The following TTC6 variants were observed in gnomAD, a reference collection of about 807,000 sequenced individuals.
The protein encoded by TTC6 is tetratricopeptide repeat protein 6.
TTC6 carries 172 observed loss-of-function variants against 210.4 expected under a neutral mutation model. The ratio of observed to expected loss-of-function variants is 0.82; its 90% CI spans 0.72 to 0.93. The LOEUF (loss-of-function observed/expected upper bound fraction) is 0.93, where lower values mean the gene tolerates loss of function less well. TTC6 is among the 40% of genes least tolerant of loss of function. TTC6 has a pLI of 0.00. For missense variants in TTC6, 2,414 were observed against 2,318.1 expected, an observed-to-expected ratio of 1.04 and a Z score of -0.85; for synonymous variants, 804 against 819.6, an observed-to-expected ratio of 0.98 and a Z score of 0.32.
intron 5 of TTC6, among the ~76,000 whole-genome samples, chr14:37,711,646 C>A (rs568738797): frequency 1.3e-5 from 2 of 152,156 alleles, no homozygotes; most frequent in African/African-American, 4.8e-5. Flanking sequence ...GGTGCCCAGA[C>A]TGTGAAAGAC....
At chr14:37,819,807 G>A (rs4898763) in intron 26 of TTC6, among the ~76,000 whole-genome samples, 48,366 of 152,074 alleles carry the variant, frequency 0.32, 8,948 homozygotes, top group Admixed American at 0.48. Flanking sequence ...ATCTGGTCAC[G>A]TATGTGATTA....
intron 25 of TTC6, 86 bp downstream of exon 27, chr14:37,812,519 C>A: frequency 7.8e-7 from 1 of 1,287,028 alleles, no homozygotes; most frequent in South Asian, 1.9e-5. Context: ...TATCAACTGG[C>A]AATATTAATG....
At chr14:37,697,597 C>T (rs2095817276) in intron 4 of TTC6, among the ~76,000 whole-genome samples, 1 of 152,106 alleles carries the variant, frequency 6.6e-6, no homozygotes, top group East Asian at 1.9e-4. Context: ...CCAGCTCAAA[C>T]TTTGTAAATG....
chr14:37,782,901 T>A (rs112921550), intron 14 of TTC6, among the ~76,000 whole-genome samples: 13 of 152,164 alleles, frequency 8.5e-5, no homozygotes, highest in Admixed American at 8.5e-4. Flanking sequence ...GGTTTTTGTC[T>A]TTGGTTCTGT....
At chr14:37,638,887 C>T (rs2095686124) in intron 1 of TTC6, among the ~76,000 whole-genome samples, 2 of 152,102 alleles carry the variant, frequency 1.3e-5, no homozygotes, top group African/African-American at 2.4e-5. Context: ...TAAGAAGATA[C>T]ATATGAAAAT....
intron 14 of TTC6, among the ~76,000 whole-genome samples, chr14:37,779,317 C>T (rs550506254): frequency 6.6e-6 from 1 of 152,256 alleles, no homozygotes; most frequent in Non-Finnish European, 1.5e-5. Context: ...ATGTCCGTGT[C>T]CCTCAGTGGC....
In TTC6 at chr14:37,815,696, A is replaced by G. The variant is rs966463428; in HGVS notation, c.4690-1882A>G. Among the ~76,000 whole-genome samples, 3 of 152,278 alleles carry G rather than the reference A, an allele frequency of 2.0e-5. No individual in the cohort carries two copies. In the South Asian group the frequency reaches 6.2e-4, roughly 32 times the overall value. On this transcript the variant is annotated intron_variant, in intron 25 of 30. Coordinates refer to ENST00000553443, the Ensembl canonical transcript of TTC6. Reference sequence around the variant, plus strand: ...TGGTAGTGTGAGACAGCTAAATTCTATTCTATGTGGTACACATTAGTGGCT... The same window carrying G: ...TGGTAGTGTGAGACAGCTAAATTCTGTTCTATGTGGTACACATTAGTGGCT...
At chr14:37,733,705 T>C (rs1224226611) in intron 7 of TTC6, among the ~76,000 whole-genome samples, 3 of 152,192 alleles carry the variant, frequency 2.0e-5, no homozygotes, top group Non-Finnish European at 4.4e-5. Flanking sequence ...TTCTTTTTAT[T>C]TATCACATAT....
intron 14 of TTC6, among the ~76,000 whole-genome samples, chr14:37,759,473 A>G (rs957991539): frequency 1.3e-5 from 2 of 151,714 alleles, no homozygotes; most frequent in Non-Finnish European, 2.9e-5. Context: ...TTTGACGATT[A>G]TGTTTCTTGG....
intron 1 of TTC6, among the ~76,000 whole-genome samples, chr14:37,666,722 T>C (rs1488324714): frequency 1.3e-5 from 2 of 150,302 alleles, no homozygotes; most frequent in Admixed American, 6.6e-5. Flanking sequence ...ATTACACATA[T>C]CCTTTGAGGG....
chr14:37,644,792 A>G (rs751028668), intron 1 of TTC6, among the ~76,000 whole-genome samples: 11 of 152,220 alleles, frequency 7.2e-5, no homozygotes, highest in Non-Finnish European at 1.5e-4. Flanking sequence ...GAATTAGGTA[A>G]CATAACAAGG....
At chr14:37,710,538 T>C (rs1205653498) in intron 5 of TTC6, among the ~76,000 whole-genome samples, 2 of 152,144 alleles carry the variant, frequency 1.3e-5, no homozygotes, top group Non-Finnish European at 2.9e-5. Context: ...TCAATGATCA[T>C]AAACAATAAT....
chr14:37,653,627 C>G (rs1328861550), intron 1 of TTC6, among the ~76,000 whole-genome samples: 1 of 152,106 alleles, frequency 6.6e-6, no homozygotes, highest in Non-Finnish European at 1.5e-5. Context: ...TCTAGGGAGG[C>G]TGTTTTCAGT....
chr14:37,698,621 T>G (rs2138664919), intron 4 of TTC6, among the ~76,000 whole-genome samples: 1 of 152,280 alleles, frequency 6.6e-6, no homozygotes, highest in East Asian at 1.9e-4. Context: ...ATGTTTAGAC[T>G]TACCTCTCTT....
intron 29 of TTC6, among the ~76,000 whole-genome samples, chr14:37,833,933 T>C (rs977824625): frequency 2.6e-5 from 4 of 152,198 alleles, no homozygotes; most frequent in African/African-American, 9.7e-5. Context: ...TCTCCATCAT[T>C]TTTGAACAAT....
At chr14:37,735,976 T>C in exon 8 of TTC6, 1 of 1,534,390 alleles carries the variant, frequency 6.5e-7, no homozygotes, top group Non-Finnish European at 8.7e-7. Context: ...AGCAGTGTCA[T>C]TACTTTACAT....
intron 23 of TTC6, 63 bp downstream of exon 25, chr14:37,807,523 C>T: frequency 7.4e-7 from 1 of 1,346,088 alleles, no homozygotes. Context: ...TTATGCTAGG[C>T]AGGGGACTCA....
chr14:37,768,469 T>A lies in TTC6; in HGVS notation c.3266+15234T>A, dbSNP rs1218193934. Among the ~76,000 whole-genome samples the A allele has an allele frequency of 5.9e-5, 9 of 152,316 alleles. 1 individual carries two copies. The highest frequency in any genetic ancestry group is 5.8e-4 in the East Asian group (3 of 5,182). ...TCTTCCATTTGTTTGTATCCTCTTT[T>A]ATTTCATTGAGCAGTGGTTTGTAGT... On this transcript the variant is annotated intron_variant, in intron 14 of 30. Coordinates refer to ENST00000553443, the Ensembl canonical transcript of TTC6.
chr14:37,757,202 C>G (rs978832566), intron 14 of TTC6, among the ~76,000 whole-genome samples: 1 of 151,834 alleles, frequency 6.6e-6, no homozygotes, highest in African/African-American at 2.4e-5. Context: ...TCCCCTTTAT[C>G]ATTTTTTATT....
Sources: gnomAD v4.1 joint callset for allele counts (sites outside exome capture counted in the v4.1 genomes callset) on GRCh38, gnomAD v4.1.1 for gene constraint, MANE v1.5 for transcripts, NCBI Gene and HGNC (gene_info 2026-07-23, HGNC 2026-07-21) for gene names.